The following FNBP1 variants were observed in gnomAD, a reference collection of about 807,000 sequenced individuals.
The protein encoded by FNBP1 is formin-binding protein 1.
In FNBP1, 26 loss-of-function variants were observed where a neutral mutation model predicts 90.6. That is an observed-to-expected ratio of 0.29 (90% CI 0.21 to 0.40). The LOEUF (loss-of-function observed/expected upper bound fraction) is 0.40. Ranked by LOEUF, FNBP1 falls within the 10% of genes least tolerant of loss-of-function variation. The probability of loss-of-function intolerance (pLI) is 1.00; values close to 1 mark genes in which losing one functional copy is unlikely to be tolerated. For synonymous variants in FNBP1, 260 were observed against 265.2 expected (o/e 0.98, Z 0.19); for missense variants, 635 against 768.0 (o/e 0.83, Z 2.05).
chr9:129,932,143 G>A (rs1209848464), intron 6 of FNBP1, among the ~76,000 whole-genome samples: 6 of 151,146 alleles, frequency 4.0e-5, no homozygotes, highest in African/African-American at 4.9e-5. Context: ...CCCAGGAGCC[G>A]GAGGTTGCAG....
At chr9:129,912,821 G>A (rs1029876064) in intron 11 of FNBP1, among the ~76,000 whole-genome samples, 1 of 152,130 alleles carries the variant, frequency 6.6e-6, no homozygotes, top group Non-Finnish European at 1.5e-5. Flanking sequence ...TTCTATGGCC[G>A]CTCTTTCCAA....
rs774268384 is a variant in FNBP1 at position 129,924,945 on chromosome 9, GCCAA to G, written c.987+11_987+14del. 1 of 1,597,694 alleles carries G rather than the reference GCCAA, an allele frequency of 6.3e-7. No individual in the cohort carries two copies. Among genetic ancestry groups the G allele is most frequent in the South Asian group, 1.1e-5 (1 of 89,592 alleles). On this transcript the variant is annotated intron_variant, in intron 9 of 16. Coordinates refer to ENST00000446176, the MANE Select transcript of FNBP1 (RefSeq NM_015033.3). The stretch of plus-strand genomic sequence containing the variant: ...CCACACCTTAGAAAACTCATTTCAC[GCCAA>G]CCATCAGTACCTTATTTTTTTTGAT...
chr9:129,962,739 T>C (rs575362910), intron 4 of FNBP1, among the ~76,000 whole-genome samples: 1 of 152,306 alleles, frequency 6.6e-6, no homozygotes, highest in East Asian at 1.9e-4. Context: ...TCAGCTCTTG[T>C]AATGGACATA....
At chr9:129,983,310 C>G (rs1048732362) in intron 2 of FNBP1, among the ~76,000 whole-genome samples, 3 of 152,162 alleles carry the variant, frequency 2.0e-5, no homozygotes, top group African/African-American at 7.2e-5. Flanking sequence ...TTTGACAATA[C>G]TGGCATATAT....
intron 4 of FNBP1, among the ~76,000 whole-genome samples, chr9:129,960,383 C>CAAAAAAAAAAAAAAAAA (rs10715833): frequency 1.1e-4 from 9 of 80,448 alleles, no homozygotes; most frequent in Non-Finnish European, 1.4e-4. Context: ...GACTCCATCT[C>CAAAAAAAAAAAAAAAAA]AAAAAAAAAA....
intron 11 of FNBP1, among the ~76,000 whole-genome samples, chr9:129,911,201 G>A (rs945109294): frequency 6.6e-6 from 1 of 152,000 alleles, no homozygotes; most frequent in Non-Finnish European, 1.5e-5. Context: ...GAGCACTTTC[G>A]ACCTCAGAAA....
intron 1 of FNBP1, among the ~76,000 whole-genome samples, chr9:130,027,058 A>T (rs1166994424): frequency 1.3e-5 from 2 of 152,082 alleles, no homozygotes; most frequent in African/African-American, 4.8e-5. Context: ...TTCAAGGAAG[A>T]GGAAATGAAA....
At chr9:130,048,756 G>A in the FNBP1 span, among the ~76,000 whole-genome samples, 15 of 149,328 alleles carry the variant, frequency 1.0e-4, no homozygotes, top group Non-Finnish European at 3.0e-5. Flanking sequence ...GGGATTACAG[G>A]CGTGAGCCAC....
chr9:129,959,807 G>A (rs1206380848), intron 4 of FNBP1, among the ~76,000 whole-genome samples: 4 of 151,918 alleles, frequency 2.6e-5, no homozygotes, highest in Non-Finnish European at 5.9e-5. Flanking sequence ...AAAGAAACCT[G>A]TACCCACTAG....
At chr9:130,047,367 C>T (rs1433130797), upstream of FNBP1, among the ~76,000 whole-genome samples, 1 of 152,158 alleles carries the variant, frequency 6.6e-6, no homozygotes, top group Non-Finnish European at 1.5e-5. Flanking sequence ...GTAATCCCAG[C>T]ACTTTGGGAG....
At chr9:129,909,781 G>A (rs373470558) in intron 11 of FNBP1, among the ~76,000 whole-genome samples, 3 of 152,032 alleles carry the variant, frequency 2.0e-5, no homozygotes, top group African/African-American at 7.2e-5. Context: ...GTGCCACCAC[G>A]CCCGGCTAAT....
At chr9:130,043,200 G>GCGCC (rs1228519406), upstream of FNBP1, 3 of 358,808 alleles carry the variant, frequency 8.4e-6, no homozygotes, top group Non-Finnish European at 9.9e-6. Flanking sequence ...GGCCGCCGCA[G>GCGCC]CGCCCGCCCG....
chr9:129,959,561 C>T (rs1179242185), intron 4 of FNBP1, among the ~76,000 whole-genome samples: 1 of 152,024 alleles, frequency 6.6e-6, no homozygotes, highest in East Asian at 1.9e-4. Context: ...TGCACTCCAG[C>T]TCTGGGCAAC....
At chr9:130,026,408 C>T (rs1368823631) in intron 1 of FNBP1, among the ~76,000 whole-genome samples, 3 of 151,894 alleles carry the variant, frequency 2.0e-5, no homozygotes, top group Non-Finnish European at 2.9e-5. Context: ...GCAGGAGAAT[C>T]GCTTGAACCT....
chr9:129,907,133 A>T (rs781179235), intron 12 of FNBP1, among the ~76,000 whole-genome samples: 2 of 151,792 alleles, frequency 1.3e-5, no homozygotes, highest in Non-Finnish European at 2.9e-5. Flanking sequence ...CAGCCTTGTA[A>T]CACCAGTTTC....
chr9:129,930,328 G>A (rs949338644), intron 6 of FNBP1, among the ~76,000 whole-genome samples: 1 of 152,124 alleles, frequency 6.6e-6, no homozygotes, highest in South Asian at 2.1e-4. Flanking sequence ...CTCCCAAAGT[G>A]CTGGGATTAT....
At chr9:129,904,917 A>G (rs1470826833) in intron 12 of FNBP1, among the ~76,000 whole-genome samples, 1 of 152,318 alleles carries the variant, frequency 6.6e-6, no homozygotes, top group Admixed American at 6.5e-5. Context: ...AAATAAATAC[A>G]TATTTAAATA....
chr9:130,024,565 T>C (rs76840897), intron 1 of FNBP1, among the ~76,000 whole-genome samples: 4,730 of 152,302 alleles, frequency 0.031, 94 homozygotes, highest in South Asian at 0.065. Flanking sequence ...TTTCTAGATC[T>C]GCTTGAAGTT....
chr9:129,934,314 A>G (rs1212905370), intron 6 of FNBP1, among the ~76,000 whole-genome samples: 2 of 152,202 alleles, frequency 1.3e-5, no homozygotes, highest in Non-Finnish European at 2.9e-5. Context: ...GGGCAGAAAG[A>G]TGTACAGAGA....
Sources: gnomAD v4.1 joint callset for allele counts (sites outside exome capture counted in the v4.1 genomes callset) on GRCh38, gnomAD v4.1.1 for gene constraint, MANE v1.5 for transcripts, NCBI Gene and HGNC (gene_info 2026-07-23, HGNC 2026-07-21) for gene names.